The following CEP78 variants were observed in gnomAD, a reference collection of about 807,000 sequenced individuals.
CEP78 encodes centrosomal protein 78, also known as centrosomal protein of 78 kDa.
A neutral mutation model predicts 81.2 loss-of-function variants in CEP78; 76 were observed. The observed-to-expected ratio is 0.94, with a 90% CI of 0.78 to 1.13. The LOEUF is 1.13. CEP78 is among the 50% of genes most tolerant of loss of function. CEP78 has a pLI of 0.00. For synonymous variants in CEP78, 293 were observed against 301.4 expected, an observed-to-expected ratio of 0.97 and a Z score of 0.29; for missense variants, 918 against 846.8, an observed-to-expected ratio of 1.08 and a Z score of -1.04.
intron 11 of CEP78, among the ~76,000 whole-genome samples, chr9:78,261,820 C>T (rs535237461): frequency 4.6e-5 from 7 of 152,054 alleles, no homozygotes; most frequent in Admixed American, 4.6e-4. Context: ...TTTCCTTTTT[C>T]CCATAAAAAC....
At position 78,275,671 on chromosome 9, in the gene CEP78, C is replaced by T. The variant is rs1275224594; in HGVS notation, c.*4820C>T. 2 of 151,210 alleles carry T rather than the reference C, an allele frequency of 1.3e-5. No homozygotes were observed. Among genetic ancestry groups the T allele is most frequent in the Admixed American group, 6.6e-5 (1 of 15,168 alleles). 9.4% of individuals were successfully genotyped at this position (151,210 alleles called of 1,614,324 possible). A position where few individuals can be genotyped will look rare whatever the true frequency, so the allele number is the denominator to read the frequency against. The stretch of plus-strand genomic sequence containing the variant: ...AGGGGCCAGGTGTGGTGGCTCATGT[C>T]TGTAATCCCAGCACTTTGGGACACC... On this transcript the variant is annotated 3_prime_UTR_variant, in exon 17 of 17. Transcript: ENST00000643273.
Position 78,236,684 on chromosome 9 carries a change from ATG to A in CEP78, c.253+86_253+87del, listed in dbSNP as rs1825959212. ...GGTGAGTGGTGTCCATTGTCGGGGT[ATG>A]TGTGCAATAGAAGGGGTGTGCGGCC... On this transcript the variant is annotated intron_variant, in intron 1 of 16. Transcript: ENST00000643273. The A allele has an allele frequency of 8.1e-6, 12 of 1,479,678 alleles. 1 individual carries two copies. The South Asian group carries it at 1.6e-4, about 19-fold the overall frequency. The allele number at this position is 1,479,678 out of a possible 1,614,324, so 91.7% of individuals were successfully genotyped here.
chr9:78,246,551 G>A, intron 5 of CEP78, 118 bp from the exon 6 acceptor site: 1 of 545,412 alleles, frequency 1.8e-6, no homozygotes, highest in Non-Finnish European at 3.2e-6. Flanking sequence ...AGTGAGCGGA[G>A]ATAGTGCCAC....
intron 1 of CEP78, among the ~76,000 whole-genome samples, chr9:78,239,775 A>C (rs1194989177): frequency 6.6e-6 from 1 of 152,118 alleles, no homozygotes; most frequent in Non-Finnish European, 1.5e-5. Flanking sequence ...CCATGTTGTC[A>C]TTCTCATCTT....
In CEP78 at chr9:78,248,568, CCATCTTAAATTTACAGT is replaced by C. The variant is rs1298375113; in HGVS notation, c.958-191_958-175del. Among the ~76,000 whole-genome samples, 5 of 152,242 alleles carry C rather than the reference CCATCTTAAATTTACAGT, an allele frequency of 3.3e-5. No homozygotes were observed. In the South Asian group the frequency reaches 1.0e-3, roughly 32 times the overall value. On this transcript the variant is annotated intron_variant, in intron 7 of 16. Transcript: ENST00000643273. ...ATGAAACTATTAAGGCACTTTTCTG[CCATCTTAAATTTACAGT>C]CAAATCAAATGTCTTTTCTGTTTTT...
rs1164134385 is a variant in CEP78, at chr9:78,246,774, C to G, written c.884C>G (p.Pro295Arg). Residue 295 changes from proline to arginine, a missense_variant, in exon 6 of 17, where the codon CCA (proline) becomes CGA (arginine). Coordinates refer to ENST00000643273, the MANE Select transcript of CEP78 (RefSeq NM_001330691.3). ...TLVVLDIRKNPLIDHSMMKAV... is the reference protein window; with the variant it reads ...TLVVLDIRKNRLIDHSMMKAV... ...GTCGTTCTGGATATAAGAAAAAATC[C>G]ACTCATTGGTATGTCGCTACAATAT... 3 of 1,564,030 alleles carry G rather than the reference C, an allele frequency of 1.9e-6. No homozygotes were observed. Among genetic ancestry groups the G allele is most frequent in the Non-Finnish European group, 2.6e-6 (3 of 1,146,144 alleles).
At chr9:78,237,430 C>T (rs2118066223) in intron 1 of CEP78, among the ~76,000 whole-genome samples, 1 of 152,244 alleles carries the variant, frequency 6.6e-6, no homozygotes, top group South Asian at 2.1e-4. Context: ...TGACAAAATG[C>T]TGTTATTCCT....
At chr9:78,259,103 G>T (rs765664486) in intron 11 of CEP78, among the ~76,000 whole-genome samples, 1 of 152,164 alleles carries the variant, frequency 6.6e-6, no homozygotes, top group Non-Finnish European at 1.5e-5. Flanking sequence ...TTAAAAATTA[G>T]ATTGCATTTG....
chr9:78,266,073 T>G (rs1233823852), intron 15 of CEP78, among the ~76,000 whole-genome samples, 167 bp downstream of exon 15: 1 of 152,204 alleles, frequency 6.6e-6, no homozygotes, highest in African/African-American at 2.4e-5. Flanking sequence ...ATCTGCCATC[T>G]CAGCCAGTCT....
intron 16 of CEP78, among the ~76,000 whole-genome samples, chr9:78,268,424 G>A (rs566390972): frequency 1.3e-5 from 2 of 152,274 alleles, no homozygotes; most frequent in South Asian, 4.1e-4. Context: ...ACGTTGCATG[G>A]AGCTGGTTCT....
chr9:78,236,731 T>G (rs1587543175), intron 1 of CEP78, 128 bp downstream of exon 1: 1 of 1,287,644 alleles, frequency 7.8e-7, no homozygotes, highest in Non-Finnish European at 1.0e-6. Flanking sequence ...ACGAGCTAGG[T>G]GAGTGGCTTA....
At chr9:78,240,243 G>A (rs746636937) in intron 2 of CEP78, 48 bp downstream of exon 2, 1 of 1,612,548 alleles carries the variant, frequency 6.2e-7, no homozygotes, top group African/African-American at 1.3e-5. Context: ...GTTGCTTTTA[G>A]AGGAAAAAAA....
At chr9:78,264,633 G>C (rs1400604278) in intron 13 of CEP78, among the ~76,000 whole-genome samples, 1 of 126,254 alleles carries the variant, frequency 7.9e-6, no homozygotes. Flanking sequence ...AACATAGCAA[G>C]AGCCCATCTC....
rs71360676 is a variant in CEP78, at chr9:78,236,969, CTTTTTTTTTTT to C, written c.253+385_253+395del. Among the ~76,000 whole-genome samples, 38 of 62,112 alleles carry C rather than the reference CTTTTTTTTTTT, an allele frequency of 6.1e-4. No individual in the cohort carries two copies. The South Asian group carries it at 0.015, about 24-fold the overall frequency. The allele number at this position is 62,112 out of a possible 152,430, so 40.7% of individuals were successfully genotyped here. On this transcript the variant is annotated intron_variant, in intron 1 of 16. Coordinates refer to ENST00000643273, the MANE Select transcript of CEP78 (RefSeq NM_001330691.3). Reference sequence around the variant, plus strand: ...GAAATTAATACATGTCAGCCTTTGTCTTTTTTTTTTTTTTTTTTTTTTTTTTTTTGAGACAC... The same window carrying C: ...GAAATTAATACATGTCAGCCTTTGTCTTTTTTTTTTTTTTTTTTGAGACAC...
rs1389599617 is a variant in CEP78 at position 78,246,700 on chromosome 9, T to C, written c.810T>C (p.Asn270=). The part of the protein sequence containing the change: ...ALDLQQCGLT[N]EGAKALLEAL... ...ACCTGCAACAGTGCGGCCTCACCAA[T>C]GAAGGAGCAAAGGCTTTGCTAGAGG... Residue 270 remains asparagine, a synonymous_variant, in exon 6 of 17, where the codon AAT becomes AAC. Transcript: ENST00000643273. 2.5e-6 allele frequency: 4 copies of C among 1,610,510 alleles called. No homozygotes were observed. In the African/African-American group the frequency reaches 5.4e-5, roughly 22 times the overall value.
chr9:78,237,228 G>C (rs1394165032), intron 1 of CEP78, among the ~76,000 whole-genome samples: 1 of 151,862 alleles, frequency 6.6e-6, no homozygotes, highest in Non-Finnish European at 1.5e-5. Flanking sequence ...TGATCCGCCC[G>C]CTTCGGCCTT....
In CEP78 at chr9:78,274,937, A is replaced by G. The variant is rs180972978; in HGVS notation, c.*4086A>G. 54 of 152,314 alleles carry G rather than the reference A, an allele frequency of 3.5e-4. No homozygotes were observed. Among genetic ancestry groups the G allele is most frequent in the African/African-American group, 1.2e-3 (49 of 41,574 alleles). 9.4% of individuals were successfully genotyped at this position (152,314 alleles called of 1,614,324 possible). A position where few individuals can be genotyped will look rare whatever the true frequency, so the allele number is the denominator to read the frequency against. On this transcript the variant is annotated 3_prime_UTR_variant, in exon 17 of 17. Transcript: ENST00000643273. ...TTAAAGCTAAGAAAGAGATAAACCA[A>G]AAGAAAGGTGAGGAATTGGTAAAAG... is the stretch of plus-strand genomic sequence containing the variant.
In CEP78 at chr9:78,274,815, A is replaced by C. The variant is rs1827768508; in HGVS notation, c.*3964A>C. 6.6e-6 allele frequency: 1 copy of C among 152,202 alleles called. No homozygotes were observed. Among genetic ancestry groups the C allele is most frequent in the African/African-American group, 2.4e-5 (1 of 41,464 alleles). 9.4% of individuals were successfully genotyped at this position (152,202 alleles called of 1,614,324 possible). A position where few individuals can be genotyped will look rare whatever the true frequency, so the allele number is the denominator to read the frequency against. On this transcript the variant is annotated 3_prime_UTR_variant, in exon 17 of 17. Transcript: ENST00000643273. Reference sequence around the variant, plus strand: ...TTTAGAATTAATAAAAACTTCTCTAAAGCTGAGGAATTCTACCAAAGAGGT... The same window carrying C: ...TTTAGAATTAATAAAAACTTCTCTACAGCTGAGGAATTCTACCAAAGAGGT...
At position 78,265,900 on chromosome 9, in the gene CEP78, A is replaced by G; in HGVS notation, c.1839A>G (p.Leu613=). 1 of 1,374,128 alleles carries G rather than the reference A, an allele frequency of 7.3e-7. No homozygotes were observed. The highest frequency in any genetic ancestry group is 1.2e-5 in the South Asian group (1 of 80,372). The allele number at this position is 1,374,128 out of a possible 1,614,324, so 85.1% of individuals were successfully genotyped here. ...AGTCAGCTTACAATGAAGGAACACT[A>G]ATGAAGGTACAAGTACTGATATAGA... ...CMQSAYNEGT[L]MKFQKITGDA... is the part of the protein sequence containing the mutation. The change falls in exon 15 of 17, where the codon CTA becomes CTG. Residue 613 remains leucine (L), a synonymous_variant. Coordinates refer to ENST00000643273, the MANE Select transcript of CEP78 (RefSeq NM_001330691.3).
Sources: gnomAD v4.1 joint callset for allele counts (sites outside exome capture counted in the v4.1 genomes callset) on GRCh38, gnomAD v4.1.1 for gene constraint, MANE v1.5 for transcripts, NCBI Gene and HGNC (gene_info 2026-07-23, HGNC 2026-07-21) for gene names.